ACTR3B: variants seen among roughly 807,000 people sequenced by gnomAD.
ACTR3B encodes actin related protein 3B, also known as actin-related protein 3B.
ACTR3B carries 8 observed loss-of-function variants against 59.0 expected under a neutral mutation model. The ratio of observed to expected loss-of-function variants is 0.14; its 90% confidence interval spans 0.08 to 0.24. The LOEUF is 0.24. Among genes scored for constraint, ACTR3B ranks in the 10% least tolerant of loss-of-function variants. The pLI is 1.00. For missense variants in ACTR3B, 245 were observed against 552.3 expected, an observed-to-expected ratio of 0.44 and a Z score of 5.58; for synonymous variants, 148 against 197.9, an observed-to-expected ratio of 0.75 and a Z score of 2.12.
Position 152,854,381 on chromosome 7 carries a change from C to G in ACTR3B, c.1162-77C>G. ...GTGGAGGCCGGGATGAGGAGAGTGT[C>G]TTGCCTGCTTGGTAGCTGGTTCCCT... On this transcript the variant is annotated intron_variant, in intron 11 of 11. Coordinates refer to ENST00000256001, the MANE Select transcript of ACTR3B (RefSeq NM_020445.6). The surrounding 1 kb of genome is among the most constrained non-coding windows in gnomAD (Gnocchi z 4.9). 1 of 1,364,012 alleles carries G rather than the reference C, an allele frequency of 7.3e-7. No homozygotes were observed. The highest frequency in any genetic ancestry group is 1.0e-6 in the Non-Finnish European group (1 of 954,050). 84.5% of individuals were successfully genotyped at this position (1,364,012 alleles called of 1,614,324 possible).
In ACTR3B at chr7:152,816,551, T is replaced by C; in HGVS notation, c.503T>C (p.Ile168Thr). ...VGERTLTGIV[I>T]DSGDGVTHVI... ...GAACGTACGTTAACGGGGATAGTCA[T>C]TGACAGCGGAGATGGAGTCACCCAT... The change falls in exon 6 of 12, where the codon ATT (isoleucine) becomes ACT (threonine). Residue 168 changes from isoleucine to threonine, a missense_variant. Coordinates refer to ENST00000256001, the MANE Select transcript of ACTR3B (RefSeq NM_020445.6). The C allele has an allele frequency of 4.4e-6, 7 of 1,603,940 alleles. No individual in the cohort carries two copies. The highest frequency in any genetic ancestry group is 6.0e-6 in the Non-Finnish European group (7 of 1,174,596).
chr7:152,759,852 C>T lies in ACTR3B; in HGVS notation c.-31C>T, dbSNP rs1453812392. 18 of 1,251,546 alleles carry T rather than the reference C, an allele frequency of 1.4e-5. No homozygotes were observed. Among genetic ancestry groups the T allele is most frequent in the Non-Finnish European group, 1.8e-5 (18 of 995,126 alleles). 77.5% of individuals were successfully genotyped at this position (1,251,546 alleles called of 1,614,324 possible). The stretch of plus-strand genomic sequence containing the variant: ...ACGGCGACGGGGCGCTCTCGGGCTG[C>T]CGGCGGGGCCGAGCGCCGCGCGTCC... On this transcript the variant is annotated 5_prime_UTR_variant, in exon 1 of 12. Transcript: ENST00000256001.
intron 2 of ACTR3B, among the ~76,000 whole-genome samples, chr7:152,785,950 G>A (rs1364800845): frequency 6.1e-4 from 3 of 4,914 alleles, no homozygotes; most frequent in African/African-American, 1.0e-3. Flanking sequence ...CTCAAGCCCC[G>A]TCCCTGCCTC....
chr7:152,777,410 A>G (rs796142107), intron 1 of ACTR3B, among the ~76,000 whole-genome samples: 19 of 152,318 alleles, frequency 1.2e-4, no homozygotes, highest in African/African-American at 4.6e-4. Flanking sequence ...TTAAAGAGCA[A>G]TATTATTTTT....
At chr7:152,821,954 C>T (rs1197186276) in intron 7 of ACTR3B, among the ~76,000 whole-genome samples, 3 of 152,252 alleles carry the variant, frequency 2.0e-5, no homozygotes, top group Non-Finnish European at 4.4e-5. Context: ...AAGCCTGTTA[C>T]TCTGCACCCA....
chr7:152,854,619 A>G lies in ACTR3B; in HGVS notation c.*66A>G. On this transcript the variant is annotated 3_prime_UTR_variant, in exon 12 of 12. Coordinates refer to ENST00000256001, the MANE Select transcript of ACTR3B (RefSeq NM_020445.6). The surrounding 1 kb of genome is among the most constrained non-coding windows in gnomAD (Gnocchi z 4.9). ...AACAAGTGTCCTTCAGAACCCAGAG[A>G]AGGCCGCCGTTCTGTAAATAGCGAC... The G allele has an allele frequency of 6.5e-7, 1 of 1,530,420 alleles. No individual in the cohort carries two copies. Among genetic ancestry groups the G allele is most frequent in the South Asian group, 1.1e-5 (1 of 89,012 alleles). 94.8% of individuals were successfully genotyped at this position (1,530,420 alleles called of 1,614,324 possible). A position where few individuals can be genotyped will look rare whatever the true frequency, so the allele number is the denominator to read the frequency against.
chr7:152,772,175 T>G (rs2098125617), intron 1 of ACTR3B, among the ~76,000 whole-genome samples: 1 of 151,974 alleles, frequency 6.6e-6, no homozygotes, highest in Admixed American at 6.6e-5. Context: ...CACCTTAGTC[T>G]TGGGGTTTTC....
At chr7:152,776,618 AAT>A (rs2098136782) in intron 1 of ACTR3B, among the ~76,000 whole-genome samples, 1 of 152,058 alleles carries the variant, frequency 6.6e-6, no homozygotes, top group Admixed American at 6.5e-5. Flanking sequence ...TAAGTAAATA[AAT>A]CACTGCACCA....
intron 2 of ACTR3B, among the ~76,000 whole-genome samples, chr7:152,790,552 A>C (rs922780198): frequency 1.3e-5 from 2 of 152,036 alleles, no homozygotes; most frequent in African/African-American, 4.8e-5. Flanking sequence ...CTGAACTGTA[A>C]TTGCAAATAT....
intron 2 of ACTR3B, among the ~76,000 whole-genome samples, chr7:152,791,048 C>G (rs924781234): frequency 1.2e-4 from 18 of 147,690 alleles, no homozygotes; most frequent in African/African-American, 4.5e-4. Flanking sequence ...GAGTCTTGCT[C>G]TGTCGCCCAG....
chr7:152,847,882 C>T (rs1798480561), intron 9 of ACTR3B, among the ~76,000 whole-genome samples: 1 of 152,182 alleles, frequency 6.6e-6, no homozygotes, highest in Non-Finnish European at 1.5e-5. Context: ...CCCATCCCTA[C>T]AGTGGATAAT....
At chr7:152,773,189 G>A (rs2098128333) in intron 1 of ACTR3B, among the ~76,000 whole-genome samples, 1 of 147,700 alleles carries the variant, frequency 6.8e-6, no homozygotes, top group Non-Finnish European at 1.5e-5. Context: ...GACCTCACCT[G>A]GCATGGACTC....
chr7:152,806,730 C>A (rs1047384292), intron 4 of ACTR3B, among the ~76,000 whole-genome samples: 1 of 152,192 alleles, frequency 6.6e-6, no homozygotes, highest in Non-Finnish European at 1.5e-5. Flanking sequence ...AACCATACTC[C>A]AGCTTTTGTG....
intron 9 of ACTR3B, among the ~76,000 whole-genome samples, chr7:152,836,324 A>G (rs1797453558): frequency 1.3e-5 from 2 of 151,848 alleles, no homozygotes; most frequent in Admixed American, 1.3e-4. Flanking sequence ...AGCTGGGTGC[A>G]GGGGCTCACG....
At chr7:152,796,993 C>T (rs1171153643) in intron 2 of ACTR3B, among the ~76,000 whole-genome samples, 2 of 144,414 alleles carry the variant, frequency 1.4e-5, no homozygotes, top group African/African-American at 2.6e-5. Context: ...GCTGGGATTA[C>T]AGGTGTGAGC....
chr7:152,760,490 C>A (rs1177033791), intron 1 of ACTR3B, among the ~76,000 whole-genome samples: 2 of 152,174 alleles, frequency 1.3e-5, no homozygotes, highest in Non-Finnish European at 2.9e-5. Context: ...ATCGATCTCC[C>A]AACTTGATAC....
chr7:152,823,461 T>G lies in ACTR3B; in HGVS notation c.804T>G (p.Val268=). The change falls in exon 8 of 12, where the codon GTT becomes GTG. Residue 268 remains valine (V), a synonymous_variant. Coordinates refer to ENST00000256001, the MANE Select transcript of ACTR3B (RefSeq NM_020445.6). ...GINAINQKKF[V]IDVGYERFLG... ...ATGCGATCAACCAGAAGAAGTTTGT[T>G]ATAGACGTTGGTTACGAAAGATTCC... The G allele has an allele frequency of 6.2e-7, 1 of 1,614,206 alleles. No individual in the cohort carries two copies. Among genetic ancestry groups the G allele is most frequent in the South Asian group, 1.1e-5 (1 of 91,082 alleles).
intron 9 of ACTR3B, among the ~76,000 whole-genome samples, chr7:152,831,349 A>G (rs1797012440): frequency 6.6e-6 from 1 of 151,990 alleles, no homozygotes; most frequent in East Asian, 1.9e-4. Flanking sequence ...CTGAGCAGCC[A>G]GGGCATGTCA....
chr7:152,782,807 A>G (rs1353177690), intron 1 of ACTR3B, among the ~76,000 whole-genome samples: 1 of 151,996 alleles, frequency 6.6e-6, no homozygotes, highest in Non-Finnish European at 1.5e-5. Flanking sequence ...AGTTTAATCA[A>G]CTTCTCAGTG....
Sources: allele counts gnomAD v4.1 joint callset (sites outside exome capture counted in the v4.1 genomes callset), GRCh38; gene constraint gnomAD v4.1.1; non-coding constraint Gnocchi (gnomAD v3.1); transcripts MANE v1.5; gene names NCBI Gene and HGNC (gene_info 2026-07-23, HGNC 2026-07-21).